Variants in DAAM2 observed in about 807,000 individuals in gnomAD.
DAAM2 encodes dishevelled associated activator of morphogenesis 2.
A neutral mutation model predicts 120.7 loss-of-function variants in DAAM2; 39 were observed. The ratio of observed to expected loss-of-function variants is 0.32; its 90% CI spans 0.25 to 0.42. DAAM2 has a LOEUF of 0.42. Ranked by LOEUF, DAAM2 falls within the 10% of genes least tolerant of loss-of-function variation. DAAM2 has a pLI of 1.00. For missense variants in DAAM2, 1,283 were observed against 1,401.7 expected (o/e 0.92, Z 1.35); for synonymous variants, 488 against 524.9 (o/e 0.93, Z 0.96).
intron 22 of DAAM2, 132 bp from the exon 23 acceptor site, chr6:39,899,945 C>T: frequency 9.6e-7 from 1 of 1,040,782 alleles, no homozygotes; most frequent in Admixed American, 2.8e-5. Context: ...ATCCTTAGAA[C>T]TTTGAGATGC....
chr6:39,843,380 C>T (rs1322499394), intron 1 of DAAM2, among the ~76,000 whole-genome samples: 5 of 152,184 alleles, frequency 3.3e-5, no homozygotes, highest in Admixed American at 2.0e-4. Flanking sequence ...TGTAGATCAA[C>T]GCCGCTTGAA....
intron 8 of DAAM2, 134 bp from the exon 9 acceptor site, chr6:39,871,372 C>A: frequency 1.3e-6 from 1 of 794,102 alleles, no homozygotes; most frequent in Non-Finnish European, 2.1e-6. Context: ...CGGCTTCTTT[C>A]CCATTTTGCC....
At chr6:39,833,311 T>C (rs1038697151) in intron 1 of DAAM2, among the ~76,000 whole-genome samples, 13 of 152,178 alleles carry the variant, frequency 8.5e-5, no homozygotes, top group African/African-American at 3.1e-4. Context: ...CTCCCTTCCT[T>C]CCCTTCCTTC....
chr6:39,809,899 G>A (rs1762113286), intron 1 of DAAM2, among the ~76,000 whole-genome samples: 1 of 152,148 alleles, frequency 6.6e-6, no homozygotes, highest in Admixed American at 6.5e-5. Flanking sequence ...AGTTGGTAGG[G>A]TGGTTCCACA....
intron 1 of DAAM2, among the ~76,000 whole-genome samples, chr6:39,827,553 T>A (rs889924667): frequency 6.6e-6 from 1 of 152,130 alleles, no homozygotes; most frequent in Non-Finnish European, 1.5e-5. Context: ...GCCTTGGCTC[T>A]GTGTGTGTGG....
At chr6:39,876,664 T>C (rs1764878993) in intron 11 of DAAM2, among the ~76,000 whole-genome samples, 1 of 152,116 alleles carries the variant, frequency 6.6e-6, no homozygotes, top group South Asian at 2.1e-4. Flanking sequence ...GCCTTAAATC[T>C]TTCTCCTCCA....
intron 1 of DAAM2, chr6:39,823,146 A>G (rs1401633234): frequency 6.6e-6 from 1 of 152,164 alleles, no homozygotes; most frequent in Non-Finnish European, 1.5e-5. Context: ...GTTTCCTAAA[A>G]TGATAGTTTT....
chr6:39,871,362 C>T (rs944840154), intron 8 of DAAM2, 144 bp from the exon 9 acceptor site: 101 of 736,682 alleles, frequency 1.4e-4, no homozygotes, highest in African/African-American at 9.6e-4. Context: ...CTACAAACAG[C>T]GGCTTCTTTC....
At position 39,888,740 on chromosome 6, in the gene DAAM2, C is replaced by G. The variant is rs995720214; in HGVS notation, c.2122C>G (p.Leu708Val). 1 of 1,612,950 alleles carries G rather than the reference C, an allele frequency of 6.2e-7. No individual in the cohort carries two copies. Among genetic ancestry groups the G allele is most frequent in the South Asian group, 1.1e-5 (1 of 90,978 alleles). Residue 708 changes from leucine (L) to valine (V), a missense_variant, in exon 17 of 25, where the codon CTT becomes GTT. By Grantham distance (32) the Leu-to-Val change is conservative. Transcript: ENST00000274867. ...CTTGAAGATGGATGAGCAGGAGGAC[C>G]TTGCTAAGGACATGCTGGAGCAGGT... ...AILKMDEQEDLAKDMLEQLLK... is the reference protein window; with the variant it reads ...AILKMDEQEDVAKDMLEQLLK...
chr6:39,863,834 G>T (rs1230475770), intron 3 of DAAM2, among the ~76,000 whole-genome samples: 1 of 152,124 alleles, frequency 6.6e-6, no homozygotes, highest in Non-Finnish European at 1.5e-5. Flanking sequence ...AGTTTGCCAG[G>T]AATTAAATCA....
chr6:39,887,427 G>C (rs1427068036), intron 15 of DAAM2, 59 bp from the exon 16 acceptor site: 3 of 1,261,630 alleles, frequency 2.4e-6, no homozygotes, highest in Non-Finnish European at 1.1e-6. Context: ...TTGCGGGGCG[G>C]GTAAGAGGAG....
chr6:39,875,486 T>C lies in DAAM2; in HGVS notation c.1301+18T>C. On this transcript the variant is annotated intron_variant, in intron 11 of 24. Transcript: ENST00000274867. ...GTCAACATGTGAGCAGTGGCCAGCC[T>C]TTGCCCTGTCTTCCTCCACCTTCCT... 6.2e-7 allele frequency: 1 copy of C among 1,608,066 alleles called. No individual in the cohort carries two copies. The highest frequency in any genetic ancestry group is 8.5e-7 in the Non-Finnish European group (1 of 1,176,304).
intron 14 of DAAM2, among the ~76,000 whole-genome samples, chr6:39,882,722 C>T (rs1562051369): frequency 6.8e-6 from 1 of 145,994 alleles, no homozygotes; most frequent in Admixed American, 6.7e-5. Flanking sequence ...CACACACGCA[C>T]ACACACACAC....
chr6:39,880,876 G>C (rs554249957), intron 14 of DAAM2, among the ~76,000 whole-genome samples: 1 of 152,292 alleles, frequency 6.6e-6, no homozygotes, highest in South Asian at 2.1e-4. Flanking sequence ...GTGCCCTGTG[G>C]GTGCTCTGTG....
At chr6:39,822,324 C>T (rs1005784071) in intron 1 of DAAM2, 4 of 152,210 alleles carry the variant, frequency 2.6e-5, no homozygotes, top group African/African-American at 7.2e-5. Flanking sequence ...TGCTAGAAGC[C>T]TCAGCCCCTG....
rs536807181 is a variant in DAAM2 at position 39,860,966 on chromosome 6, G to A, written c.207G>A (p.Met69Ile). ...TCACTGACAAAAACCGAGAGGCTAT[G>A]TTTGCACTGCCCCCTGAGAAGAAAT... ...LDLTDKNREA[M>I]FALPPEKKWQ... The change falls in exon 3 of 25, where the codon ATG becomes ATA. Residue 69 changes from methionine to isoleucine, a missense_variant. Physicochemically the swap from Met to Ile is conservative, Grantham distance 10. Coordinates refer to ENST00000274867, the MANE Select transcript of DAAM2 (RefSeq NM_001201427.2). 2 of 1,613,320 alleles carry A rather than the reference G, an allele frequency of 1.2e-6. No homozygotes were observed. Among genetic ancestry groups the A allele is most frequent in the East Asian group, 2.2e-5 (1 of 44,850 alleles).
At chr6:39,889,703 G>A (rs1765589622) in intron 17 of DAAM2, among the ~76,000 whole-genome samples, 1 of 152,174 alleles carries the variant, frequency 6.6e-6, no homozygotes, top group Non-Finnish European at 1.5e-5. Context: ...GCCGCTAATT[G>A]CCTACTGTTG....
intron 1 of DAAM2, among the ~76,000 whole-genome samples, chr6:39,839,580 A>G (rs919267332): frequency 1.3e-5 from 2 of 152,254 alleles, no homozygotes; most frequent in African/African-American, 4.8e-5. Context: ...GTGCAGATGG[A>G]GTCCAGAAGA....
chr6:39,870,355 C>T lies in DAAM2; in HGVS notation c.889C>T (p.Arg297Cys), dbSNP rs772017388. The T allele has an allele frequency of 7.6e-6, 12 of 1,574,290 alleles. No homozygotes were observed. Among genetic ancestry groups the T allele is most frequent in the East Asian group, 7.0e-5 (3 of 43,148 alleles). ...AGAGEDNLEF[R>C]LHLRYEFLML... ...TGACCCCCAGGATAATCTGGAGTTC[C>T]GCCTACATCTACGGTATGAATTCCT... is the stretch of plus-strand genomic sequence containing the variant. Residue 297 changes from arginine to cysteine, a missense_variant, in exon 8 of 25, where the codon CGC becomes TGC. Around this residue, in one of 3 missense-constraint regions of DAAM2, gnomAD observed 338 missense variants for 443.9 expected, o/e 0.76. Transcript: ENST00000274867.
Sources: gnomAD v4.1 joint callset for allele counts (sites outside exome capture counted in the v4.1 genomes callset) on GRCh38, gnomAD v4.1.1 for gene constraint, gnomAD v4.1.1 regional missense constraint, MANE v1.5 for transcripts, NCBI Gene and HGNC (gene_info 2026-07-23, HGNC 2026-07-21) for gene names.